The following FSIP2 variants were observed in gnomAD, a reference collection of about 807,000 sequenced individuals.
The protein encoded by FSIP2 is fibrous sheath interacting protein 2, also known as fibrous sheath-interacting protein 2.
FSIP2 carries 367 observed loss-of-function variants against 510.5 expected under a neutral mutation model. The ratio of observed to expected loss-of-function variants is 0.72; its 90% CI spans 0.66 to 0.78. The LOEUF is 0.78. Ranked by LOEUF, FSIP2 falls within the 30% of genes least tolerant of loss-of-function variation. FSIP2 has a pLI of 0.00. For synonymous variants in FSIP2, 2,601 were observed against 2,732.2 expected (o/e 0.95, Z 1.50); for missense variants, 7,594 against 7,901.7 (o/e 0.96, Z 1.48).
chr2:185,796,517 C>A lies in FSIP2; in HGVS notation c.9381C>A (p.Asp3127Glu), dbSNP rs1393291938. Residue 3127 changes from aspartate (D) to glutamate (E), a missense_variant, in exon 16 of 23, where the codon GAC becomes GAA. By Grantham distance (45) the Asp-to-Glu change is conservative. Coordinates refer to ENST00000424728, the MANE Select transcript of FSIP2 (RefSeq NM_173651.4). ...GTGAGATCATTGGCACACTAATGGA[C>A]CAGTGTACTTATTTCAATGAGTCTT... is the stretch of plus-strand genomic sequence containing the variant. ...VASEIIGTLM[D>E]QCTYFNESLI... 1 of 1,534,246 alleles carries A rather than the reference C, an allele frequency of 6.5e-7. No individual in the cohort carries two copies. Among genetic ancestry groups the A allele is most frequent in the Non-Finnish European group, 8.7e-7 (1 of 1,145,640 alleles).
chr2:185,787,584 T>TA, intron 15 of FSIP2, among the ~76,000 whole-genome samples: 1 of 151,816 alleles, frequency 6.6e-6, no homozygotes, highest in Non-Finnish European at 1.5e-5. Context: ...TTTAACAACT[T>TA]AAAAATAGAG....
Position 185,802,549 on chromosome 2 carries a change from G to C in FSIP2, c.13243G>C (p.Asp4415His), listed in dbSNP as rs1288655787. The C allele has an allele frequency of 6.5e-7, 1 of 1,529,868 alleles. No individual in the cohort carries two copies. The highest frequency in any genetic ancestry group is 8.7e-7 in the Non-Finnish European group (1 of 1,144,144). The allele number at this position is 1,529,868 out of a possible 1,614,324, so 94.8% of individuals were successfully genotyped here. A position where few individuals can be genotyped will look rare whatever the true frequency, so the allele number is the denominator to read the frequency against. ...CAATTTAATTGTAGCAGCTATTTCAGATTACCTTCTTCATCCACTGTTTTC... is the reference window on the plus strand; with the variant it reads ...CAATTTAATTGTAGCAGCTATTTCACATTACCTTCTTCATCCACTGTTTTC... Reference protein sequence around the residue: ...ITNLIVAAISDYLLHPLFSGD... With the variant: ...ITNLIVAAISHYLLHPLFSGD... The change falls in exon 17 of 23, where the codon GAT (aspartate) becomes CAT (histidine). Residue 4415 changes from aspartate (D) to histidine (H), a missense_variant. Transcript: ENST00000424728.
intron 3 of FSIP2, among the ~76,000 whole-genome samples, chr2:185,743,965 G>T (rs2105529275): frequency 6.6e-6 from 1 of 152,088 alleles, no homozygotes; most frequent in South Asian, 2.1e-4. Context: ...ATCCTGAGTA[G>T]CTGGGACTAC....
In FSIP2 at chr2:185,745,320, T is replaced by C. The variant is rs1325448920; in HGVS notation, c.478-109T>C. The C allele has an allele frequency of 2.8e-5, 17 of 612,450 alleles. No individual in the cohort carries two copies. In the South Asian group the frequency reaches 6.6e-4, roughly 24 times the overall value. The allele number at this position is 612,450 out of a possible 1,614,324, so 37.9% of individuals were successfully genotyped here. A position where few individuals can be genotyped will look rare whatever the true frequency, so the allele number is the denominator to read the frequency against. ...TTAATGGATTCAAAATAGATGTAAA[T>C]GCAATTAAACAGAATTAAGCATTTA... On this transcript the variant is annotated intron_variant, in intron 4 of 22. Coordinates refer to ENST00000424728, the MANE Select transcript of FSIP2 (RefSeq NM_173651.4).
chr2:185,829,282 C>T lies in FSIP2; in HGVS notation c.20517+1083C>T, dbSNP rs111482517. Among the ~76,000 whole-genome samples, 67 of 151,946 alleles carry T rather than the reference C, an allele frequency of 4.4e-4. 2 individuals are homozygous for T. The highest frequency in any genetic ancestry group is 1.6e-3 in the African/African-American group (67 of 41,522). Reference sequence around the variant, plus strand: ...TCAAATAAGGTGGAGTAGGCAGGCTCCATCTTATCTCTCTCACTGATTACA... The same window carrying T: ...TCAAATAAGGTGGAGTAGGCAGGCTTCATCTTATCTCTCTCACTGATTACA... On this transcript the variant is annotated intron_variant, in intron 21 of 22. Coordinates refer to ENST00000424728, the MANE Select transcript of FSIP2 (RefSeq NM_173651.4).
At chr2:185,819,655 A>G (rs1693880479) in intron 19 of FSIP2, among the ~76,000 whole-genome samples, 1 of 151,930 alleles carries the variant, frequency 6.6e-6, no homozygotes, top group Admixed American at 6.6e-5. Context: ...TTTTAACTTT[A>G]TGACAGTGTG....
chr2:185,746,625 G>GA lies in FSIP2; in HGVS notation c.618-41dup, dbSNP rs1197356578. The GA allele has an allele frequency of 7.0e-6, 10 of 1,431,826 alleles. No homozygotes were observed. In the African/African-American group the frequency reaches 1.4e-4, roughly 21 times the overall value. 88.7% of individuals were successfully genotyped at this position (1,431,826 alleles called of 1,614,324 possible). A position where few individuals can be genotyped will look rare whatever the true frequency, so the allele number is the denominator to read the frequency against. ...CATAGCAGATGATGCCATCATAAAA[G>GA]AAACAGCCAATTCACCTTTAGCAAT... On this transcript the variant is annotated intron_variant, in intron 5 of 22. Transcript: ENST00000424728.
chr2:185,823,033 T>A (rs1285110456), intron 19 of FSIP2, among the ~76,000 whole-genome samples: 1 of 151,784 alleles, frequency 6.6e-6, no homozygotes, highest in Non-Finnish European at 1.5e-5. Flanking sequence ...AGGTGAACCC[T>A]TACCTTACAC....
At chr2:185,824,129 A>G (rs1693972483) in intron 19 of FSIP2, among the ~76,000 whole-genome samples, 1 of 151,844 alleles carries the variant, frequency 6.6e-6, no homozygotes, top group South Asian at 2.1e-4. Context: ...TTCAGTTGGG[A>G]AAGATGAAAA....
At chr2:185,820,316 G>T (rs185893485) in intron 19 of FSIP2, among the ~76,000 whole-genome samples, 151 of 151,898 alleles carry the variant, frequency 9.9e-4, no homozygotes, top group Non-Finnish European at 1.3e-3. Flanking sequence ...CACCATGATT[G>T]TAAGTTTCCT....
In FSIP2 at chr2:185,800,839, C is replaced by G. The variant is rs1693415889; in HGVS notation, c.11533C>G (p.His3845Asp). Residue 3845 changes from histidine to aspartate, a missense_variant, in exon 17 of 23, where the codon CAC becomes GAC. His to Asp is a moderately conservative substitution (Grantham distance 81, BLOSUM62 -1). Coordinates refer to ENST00000424728, the MANE Select transcript of FSIP2 (RefSeq NM_173651.4). ...TSDSMLTIIS[H>D]SLVKSLMDKL... The stretch of plus-strand genomic sequence containing the variant: ...AGACTCTATGCTTACTATTATTTCC[C>G]ACAGCTTGGTTAAATCATTGATGGA... 3 of 1,534,282 alleles carry G rather than the reference C, an allele frequency of 2.0e-6. No homozygotes were observed. The highest frequency in any genetic ancestry group is 2.6e-6 in the Non-Finnish European group (3 of 1,145,634).
chr2:185,800,648 A>T lies in FSIP2; in HGVS notation c.11342A>T (p.Glu3781Val). 1 of 1,534,132 alleles carries T rather than the reference A, an allele frequency of 6.5e-7. No individual in the cohort carries two copies. The highest frequency in any genetic ancestry group is 8.7e-7 in the Non-Finnish European group (1 of 1,145,638). The change falls in exon 17 of 23, where the codon GAG becomes GTG. Residue 3781 changes from glutamate to valine, a missense_variant. Physicochemically the swap from Glu to Val is moderately radical, Grantham distance 121. Transcript: ENST00000424728. Reference sequence around the variant, plus strand: ...TTTCCTGATAAAGGGTCTGTTTCAGAGGAAACATCAGCAGAAGAATGTCAA... The same window carrying T: ...TTTCCTGATAAAGGGTCTGTTTCAGTGGAAACATCAGCAGAAGAATGTCAA... ...TAFPDKGSVS[E>V]ETSAEECQLL...
Position 185,803,604 on chromosome 2 carries a change from A to G in FSIP2, c.14298A>G (p.Gln4766=). 2.0e-6 allele frequency: 3 copies of G among 1,531,174 alleles called. No homozygotes were observed. The highest frequency in any genetic ancestry group is 2.6e-6 in the Non-Finnish European group (3 of 1,143,830). 94.8% of individuals were successfully genotyped at this position (1,531,174 alleles called of 1,614,324 possible). The change falls in exon 17 of 23, where the codon CAA becomes CAG. Residue 4766 remains glutamine, a synonymous_variant. Coordinates refer to ENST00000424728, the MANE Select transcript of FSIP2 (RefSeq NM_173651.4). ...AACTCAGTGCAAATGTTTTAATACA[A>G]AGAGTTCAATATGATATAAGTAAAT... is the stretch of plus-strand genomic sequence containing the variant. ...HSKLSANVLI[Q]RVQYDISKSR...
chr2:185,782,883 A>G, intron 14 of FSIP2, 121 bp downstream of exon 14: 1 of 650,834 alleles, frequency 1.5e-6, no homozygotes, highest in South Asian at 1.8e-5. Flanking sequence ...GGATTTAGTG[A>G]AACTTAGTCT....
At chr2:185,752,281 CAAG>C (rs1164981111) in intron 7 of FSIP2, among the ~76,000 whole-genome samples, 1 of 150,550 alleles carries the variant, frequency 6.6e-6, no homozygotes, top group African/African-American at 2.4e-5. Flanking sequence ...ACATTGATTC[CAAG>C]AAGAATTCTA....
intron 16 of FSIP2, chr2:185,797,769 G>A: frequency 2.4e-6 from 1 of 416,162 alleles, no homozygotes; most frequent in South Asian, 2.7e-5. Context: ...GCTTCCTGCA[G>A]CCTTGAACTC....
At chr2:185,780,454 CT>C (rs1317487359) in intron 13 of FSIP2, among the ~76,000 whole-genome samples, 1 of 151,310 alleles carries the variant, frequency 6.6e-6, no homozygotes, top group African/African-American at 2.4e-5. Context: ...AAATTAATTG[CT>C]TTGTAAAATT....
At chr2:185,761,870 G>C (rs746548890) in intron 10 of FSIP2, 102 bp from the exon 11 acceptor site, 66 of 579,544 alleles carry the variant, frequency 1.1e-4, no homozygotes, top group Non-Finnish European at 1.7e-4. Flanking sequence ...GGTTAAAAGA[G>C]GGAAAACATC....
upstream of FSIP2, chr2:185,738,644 G>T: frequency 6.5e-7 from 1 of 1,536,044 alleles, no homozygotes; most frequent in African/African-American, 1.4e-5. Flanking sequence ...TTTCAACTGT[G>T]GTCCTCTCAG....
Sources: allele counts gnomAD v4.1 joint callset (sites outside exome capture counted in the v4.1 genomes callset), GRCh38; gene constraint gnomAD v4.1.1; transcripts MANE v1.5; gene names NCBI Gene and HGNC (gene_info 2026-07-23, HGNC 2026-07-21).